The following ZNF385D variants were observed in gnomAD, a reference collection of about 807,000 sequenced individuals.
ZNF385D encodes zinc finger protein 659.
A neutral mutation model predicts 35.8 loss-of-function variants in ZNF385D; 15 were observed. The ratio of observed to expected loss-of-function variants is 0.42; its 90% confidence interval spans 0.28 to 0.64. The LOEUF is 0.64. Ranked by LOEUF, ZNF385D falls within the 30% of genes least tolerant of loss-of-function variation. ZNF385D has a pLI of 0.23. For missense variants in ZNF385D, 474 were observed against 494.6 expected (o/e 0.96, Z 0.39); for synonymous variants, 212 against 186.8 (o/e 1.13, Z -1.10).
chr3:21,761,029 T>C (rs2070585589), intron 3 of ZNF385D, among the ~76,000 whole-genome samples: 1 of 152,184 alleles, frequency 6.6e-6, no homozygotes, highest in African/African-American at 2.4e-5. Flanking sequence ...TTTTGTATCA[T>C]ACACTTTAGG....
chr3:21,460,792 C>T (rs887068865), intron 4 of ZNF385D, among the ~76,000 whole-genome samples: 8 of 152,036 alleles, frequency 5.3e-5, no homozygotes, highest in Admixed American at 3.3e-4. Context: ...GTAGAACTTT[C>T]TACAGAAAAA....
intron 2 of ZNF385D, among the ~76,000 whole-genome samples, chr3:22,290,500 C>T (rs929756098): frequency 5.3e-5 from 8 of 152,168 alleles, no homozygotes; most frequent in Non-Finnish European, 7.3e-5. Flanking sequence ...GTCACTCAAA[C>T]AGTGGCCTTT....
At chr3:21,758,401 G>A (rs944695796) in intron 3 of ZNF385D, among the ~76,000 whole-genome samples, 1 of 152,170 alleles carries the variant, frequency 6.6e-6, no homozygotes, top group South Asian at 2.1e-4. Flanking sequence ...GTTGTGGAAG[G>A]AGACAATGGT....
intron 3 of ZNF385D, among the ~76,000 whole-genome samples, chr3:21,558,417 G>C (rs1030485724): frequency 2.6e-5 from 4 of 152,076 alleles, no homozygotes; most frequent in African/African-American, 9.7e-5. Context: ...TATTCACCCG[G>C]TAGTCATTCA....
chr3:22,325,010 T>C (rs895467852), intron 2 of ZNF385D, among the ~76,000 whole-genome samples: 1 of 152,324 alleles, frequency 6.6e-6, no homozygotes, highest in African/African-American at 2.4e-5. Context: ...AAAGTTATAA[T>C]AACAGTACGT....
At chr3:22,234,496 G>C (rs117985694) in intron 2 of ZNF385D, among the ~76,000 whole-genome samples, 1 of 149,382 alleles carries the variant, frequency 6.7e-6, no homozygotes, top group East Asian at 2.0e-4. Context: ...TTTTTTTTTC[G>C]TTCCTGAACT....
chr3:21,899,846 A>G (rs1241925397), intron 3 of ZNF385D, among the ~76,000 whole-genome samples: 1 of 152,130 alleles, frequency 6.6e-6, no homozygotes, highest in Non-Finnish European at 1.5e-5. Context: ...CCCTACTCCC[A>G]ATAGTATCAG....
At chr3:21,809,776 G>C (rs2072828702) in intron 3 of ZNF385D, among the ~76,000 whole-genome samples, 1 of 151,054 alleles carries the variant, frequency 6.6e-6, no homozygotes, top group Non-Finnish European at 1.5e-5. Context: ...CATTAAAATT[G>C]AATACTAAAA....
chr3:22,101,247 C>T (rs1258000533), intron 3 of ZNF385D, among the ~76,000 whole-genome samples: 1 of 151,978 alleles, frequency 6.6e-6, no homozygotes, highest in Non-Finnish European at 1.5e-5. Context: ...AAAATGCTTA[C>T]CTTGTGGGAA....
rs967275934 is a variant in ZNF385D at position 22,050,359 on chromosome 3, CAAAA to C, written c.325+118454_325+118457del. Among the ~76,000 whole-genome samples the C allele has an allele frequency of 6.1e-4, 93 of 151,466 alleles. 1 individual carries two copies. The highest frequency in any genetic ancestry group is 1.9e-3 in the South Asian group (9 of 4,774). ...CCTGAGTGACAGAGCAAGACTCTGTCAAAAAAACAAACAAACAAACAAACAAAAA... is the reference window on the plus strand; with the variant it reads ...CCTGAGTGACAGAGCAAGACTCTGTCAAACAAACAAACAAACAAACAAAAA... On this transcript the variant is annotated intron_variant, in intron 3 of 5. Transcript: ENST00000494108.
In ZNF385D at chr3:21,681,298, T is replaced by TAAAAAAAAAAAAAAAAA. The variant is rs55872870; in HGVS notation, c.23-16287_23-16271dup. On this transcript the variant is annotated intron_variant, in intron 1 of 7. Coordinates refer to ENST00000281523, the MANE Select transcript of ZNF385D (RefSeq NM_024697.3). ...AGCCTATGTGAATATATTCCATCAG[T>TAAAAAAAAAAAAAAAAA]AAAAAAAAAAAAAAAAAAAAAAAAA... Among the ~76,000 whole-genome samples the TAAAAAAAAAAAAAAAAA allele has an allele frequency of 1.4e-4, 9 of 64,472 alleles. 2 individuals are homozygous for TAAAAAAAAAAAAAAAAA. Among genetic ancestry groups the TAAAAAAAAAAAAAAAAA allele is most frequent in the African/African-American group, 5.0e-4 (9 of 17,838 alleles). 42.3% of individuals were successfully genotyped at this position (64,472 alleles called of 152,430 possible).
intron 3 of ZNF385D, among the ~76,000 whole-genome samples, chr3:22,081,479 T>C (rs570324123): frequency 2.0e-5 from 3 of 152,328 alleles, no homozygotes; most frequent in African/African-American, 7.2e-5. Context: ...AATTAAGATG[T>C]TGTTATGATA....
At chr3:21,485,602 AT>A (rs1704969007) in intron 4 of ZNF385D, among the ~76,000 whole-genome samples, 1 of 151,504 alleles carries the variant, frequency 6.6e-6, no homozygotes, top group African/African-American at 2.4e-5. Flanking sequence ...TCCTTTCACC[AT>A]TTTTCCCATC....
At chr3:21,507,384 T>C (rs1430602012) in intron 4 of ZNF385D, among the ~76,000 whole-genome samples, 4 of 152,164 alleles carry the variant, frequency 2.6e-5, no homozygotes, top group Admixed American at 6.6e-5. Context: ...TCTTTTCATA[T>C]AGATTTTTTA....
At chr3:21,453,658 C>T (rs1702605470) in intron 4 of ZNF385D, among the ~76,000 whole-genome samples, 1 of 151,918 alleles carries the variant, frequency 6.6e-6, no homozygotes, top group Non-Finnish European at 1.5e-5. Context: ...CATTTCACAA[C>T]CACTAGGATG....
rs79884533 is a variant in ZNF385D at position 21,837,523 on chromosome 3, T to C, written c.326-172495A>G. Reference sequence around the variant, plus strand: ...CAGGTGCATGGCTTTGGAATTTAGATGACATGTTTTCTGCAACTTATTGTT... The same window carrying C: ...CAGGTGCATGGCTTTGGAATTTAGACGACATGTTTTCTGCAACTTATTGTT... On this transcript the variant is annotated intron_variant, in intron 3 of 5. Coordinates refer to the ZNF385D transcript ENST00000494108. Among the ~76,000 whole-genome samples the C allele has an allele frequency of 2.7e-4, 41 of 152,174 alleles. No homozygotes were observed. In the East Asian group the frequency reaches 7.8e-3, roughly 29 times the overall value.
At chr3:22,123,962 C>CTCTCTCTCTA (rs1491571691) in intron 3 of ZNF385D, among the ~76,000 whole-genome samples, 6 of 61,844 alleles carry the variant, frequency 9.7e-5, no homozygotes, top group Non-Finnish European at 1.9e-4. Context: ...CTCTCTCTCT[C>CTCTCTCTCTA]TATATATATA....
intron 3 of ZNF385D, among the ~76,000 whole-genome samples, chr3:21,953,653 A>G (rs1702161279): frequency 6.6e-6 from 1 of 152,054 alleles, no homozygotes; most frequent in Non-Finnish European, 1.5e-5. Flanking sequence ...CTAAACATTC[A>G]AGGAATAGAG....
intron 4 of ZNF385D, among the ~76,000 whole-genome samples, chr3:21,438,574 C>T (rs1701692702): frequency 6.6e-6 from 1 of 152,060 alleles, no homozygotes; most frequent in Non-Finnish European, 1.5e-5. Context: ...AATAGGGCAT[C>T]AGAAACACTA....
Sources: gnomAD v4.1 joint callset for allele counts (sites outside exome capture counted in the v4.1 genomes callset) on GRCh38, gnomAD v4.1.1 for gene constraint, MANE v1.5 for transcripts, NCBI Gene and HGNC (gene_info 2026-07-23, HGNC 2026-07-21) for gene names.